Variants in SAA2 observed in about 807,000 individuals in gnomAD.
The protein encoded by SAA2 is serum amyloid A2, also known as serum amyloid A-2 protein.
In SAA2, 5 loss-of-function variants were observed where a neutral mutation model predicts 9.1. The ratio of observed to expected loss-of-function variants is 0.55; its 90% confidence interval spans 0.29 to 1.16. The LOEUF is 1.16. Ranked by LOEUF, SAA2 falls within the 50% of genes most tolerant of loss-of-function variation. The pLI, the probability that SAA2 is intolerant of heterozygous loss-of-function variation, is 0.09. For missense variants in SAA2, 94 were observed against 153.8 expected (o/e 0.61, Z 2.06); for synonymous variants, 49 against 59.8 (o/e 0.82, Z 0.83).
chr11:18,240,936 A>G (rs1353545221), downstream of SAA2, among the ~76,000 whole-genome samples: 1 of 152,148 alleles, frequency 6.6e-6, no homozygotes, highest in Non-Finnish European at 1.5e-5. Context: ...CAGACAACCT[A>G]AGAACGGGAG....
chr11:18,245,491 T>C lies in SAA2; in HGVS notation c.255A>G (p.Arg85=). 2 of 1,614,014 alleles carry C rather than the reference T, an allele frequency of 1.2e-6. No homozygotes were observed. The highest frequency in any genetic ancestry group is 1.7e-6 in the Non-Finnish European group (2 of 1,179,952). Residue 85 remains arginine, a synonymous_variant, in exon 4 of 4, where the codon AGA becomes AGG. Coordinates refer to ENST00000256733, the MANE Select transcript of SAA2 (RefSeq NM_030754.5). ...AGTCCTCCGCACCACGGCCTGTGAGTCTCTGGATATTCTCTCTGGCATTGC... is the reference window on the plus strand; with the variant it reads ...AGTCCTCCGCACCACGGCCTGTGAGCCTCTGGATATTCTCTCTGGCATTGC... ...VISNARENIQ[R]LTGRGAEDSL...
downstream of SAA2, among the ~76,000 whole-genome samples, chr11:18,244,615 C>T (rs1590012242): frequency 6.6e-6 from 1 of 152,184 alleles, no homozygotes. Flanking sequence ...CCCAAAGGGA[C>T]CCTGACTGAT....
At chr11:18,240,434 C>G, downstream of SAA2, 1 of 622,754 alleles carries the variant, frequency 1.6e-6, no homozygotes, top group South Asian at 2.0e-5. Flanking sequence ...AATCAGCCTA[C>G]CAGGGTACTG....
downstream of SAA2, among the ~76,000 whole-genome samples, chr11:18,244,727 C>T (rs1054868264): frequency 3.3e-5 from 5 of 152,026 alleles, no homozygotes; most frequent in East Asian, 1.9e-4. Flanking sequence ...TAAAAGGAGT[C>T]GCATTACATA....
chr11:18,240,706 C>CAT (rs1372746586), downstream of SAA2, among the ~76,000 whole-genome samples: 40 of 151,302 alleles, frequency 2.6e-4, no homozygotes, highest in East Asian at 9.6e-4. Flanking sequence ...TATCTCTCAT[C>CAT]ATATATATAT....
In SAA2 at chr11:18,245,500, AT is replaced by A. The variant is rs774139105; in HGVS notation, c.245del (p.Asn82IlefsTer64). 1.2e-6 allele frequency: 2 copies of A among 1,613,964 alleles called. No individual in the cohort carries two copies. Among genetic ancestry groups the A allele is most frequent in the African/African-American group, 2.7e-5 (2 of 74,918 alleles). On this transcript the variant is annotated frameshift_variant, in exon 4 of 4. Transcript: ENST00000256733. LOFTEE classifies it low-confidence loss of function (END_TRUNC). ...AAEVISNARENIQRLTGRGAE... is the reference protein window; with the variant it reads ...AAEVISNAREXIQRLTGRGAE... ...CACCACGGCCTGTGAGTCTCTGGAT[AT>A]TCTCTCTGGCATTGCTGTAGTCCAG... is the stretch of plus-strand genomic sequence containing the variant.
downstream of SAA2, among the ~76,000 whole-genome samples, chr11:18,238,301 G>T (rs1449227363): frequency 6.6e-6 from 1 of 152,124 alleles, no homozygotes; most frequent in Non-Finnish European, 1.5e-5. Context: ...CAGGGAAAAT[G>T]AGTATGTTAT....
downstream of SAA2, chr11:18,242,550 T>C: frequency 2.1e-6 from 1 of 481,388 alleles, no homozygotes; most frequent in South Asian, 3.4e-5. Flanking sequence ...GACACAAAAA[T>C]AAATATAACA....
At chr11:18,243,082 T>C (rs1057114602), downstream of SAA2, among the ~76,000 whole-genome samples, 2 of 151,982 alleles carry the variant, frequency 1.3e-5, no homozygotes, top group East Asian at 3.9e-4. Flanking sequence ...AAAATTTTTT[T>C]CTTGTTTTTT....
chr11:18,239,203 T>C (rs1857275250), downstream of SAA2: 1 of 152,486 alleles, frequency 6.6e-6, no homozygotes, highest in Non-Finnish European at 1.5e-5. Context: ...TTTTACTTAA[T>C]ACGTTAACAT....
chr11:18,246,077 C>T, intron 2 of SAA2, 29 bp from the exon 3 acceptor site: 11 of 1,608,144 alleles, frequency 6.8e-6, no homozygotes, highest in Non-Finnish European at 9.3e-6. Context: ...GCAGAAGGGA[C>T]ATCAGGAGAA....
downstream of SAA2, chr11:18,242,603 T>C (rs1857379467): frequency 8.9e-6 from 5 of 559,104 alleles, no homozygotes; most frequent in Non-Finnish European, 1.6e-5. Context: ...CCCAGCACTT[T>C]GGGAGGCTGA....
chr11:18,240,511 T>C (rs2134133207), downstream of SAA2, among the ~76,000 whole-genome samples: 1 of 152,254 alleles, frequency 6.6e-6, no homozygotes, highest in South Asian at 2.1e-4. Context: ...ATGTTGATGG[T>C]ACTGGTATAA....
At position 18,246,006 on chromosome 11, in the gene SAA2, G is replaced by A; in HGVS notation, c.134C>T (p.Ala45Val). ...MWRAYSDMREANYIGSDKYFH... is the reference protein window; with the variant it reads ...MWRAYSDMREVNYIGSDKYFH... ...GTATTTGTCTGAGCCGATGTAATTG[G>A]CTTCTCTCATGTCAGAGTAGGCTCT... Residue 45 changes from alanine to valine, a missense_variant, in exon 3 of 4, where the codon GCC (alanine) becomes GTC (valine). Physicochemically the swap from Ala to Val is moderately conservative, Grantham distance 64. This residue lies in a region of SAA2 where 32 missense variants were observed against 95.5 expected (regional missense o/e 0.34). Coordinates refer to ENST00000256733, the MANE Select transcript of SAA2 (RefSeq NM_030754.5). 6.2e-7 allele frequency: 1 copy of A among 1,613,958 alleles called. No individual in the cohort carries two copies. The highest frequency in any genetic ancestry group is 1.7e-5 in the Admixed American group (1 of 59,986).
chr11:18,239,893 G>C, exon 4 of SAA2: 2 of 1,536,222 alleles, frequency 1.3e-6, no homozygotes, highest in Non-Finnish European at 1.8e-6. Flanking sequence ...TTCATTGCCT[G>C]GATCAATGCC....
downstream of SAA2, among the ~76,000 whole-genome samples, chr11:18,244,251 T>C (rs1857433905): frequency 6.6e-6 from 1 of 152,218 alleles, no homozygotes; most frequent in South Asian, 2.1e-4. Context: ...TACAGTTCAC[T>C]CCAGAGCACT....
exon 4 of SAA2, chr11:18,239,787 C>T: frequency 1.2e-6 from 1 of 826,142 alleles, no homozygotes; most frequent in Non-Finnish European, 1.8e-6. Flanking sequence ...GACCTCTCTT[C>T]AGTCTCCATC....
At position 18,245,597 on chromosome 11, in the gene SAA2, G is replaced by A. The variant is rs1490565343; in HGVS notation, c.231-82C>T. ...ACCCTCCCATTCTCCCCGTTCCAAG[G>A]GAGGGCTCAGAGAGGAGCCCAGAAA... On this transcript the variant is annotated intron_variant, in intron 3 of 3. Transcript: ENST00000256733. The A allele has an allele frequency of 7.0e-6, 11 of 1,561,202 alleles. No individual in the cohort carries two copies. The East Asian group carries it at 1.8e-4, about 26-fold the overall frequency.
downstream of SAA2, among the ~76,000 whole-genome samples, chr11:18,244,683 T>C (rs917967423): frequency 1.3e-5 from 2 of 152,208 alleles, no homozygotes; most frequent in Non-Finnish European, 2.9e-5. Flanking sequence ...ACAACTTTGA[T>C]CTAGTTAAGC....
Sources: gnomAD v4.1 joint callset for allele counts (sites outside exome capture counted in the v4.1 genomes callset) on GRCh38, gnomAD v4.1.1 for gene constraint, gnomAD v4.1.1 regional missense constraint, MANE v1.5 for transcripts, NCBI Gene and HGNC (gene_info 2026-07-23, HGNC 2026-07-21) for gene names.